Variants in NOS1 observed in about 807,000 individuals in gnomAD.
NOS1 encodes the protein nitric oxide synthase 1.
Under a neutral mutation model 164.5 loss-of-function variants are expected in NOS1, and 51 were observed. The ratio of observed to expected loss-of-function variants is 0.31; its 90% confidence interval spans 0.25 to 0.39. The LOEUF is 0.39. Among genes scored for constraint, NOS1 ranks in the 10% least tolerant of loss-of-function variants. The pLI, the probability that NOS1 is intolerant of heterozygous loss-of-function variation, is 1.00. For synonymous variants in NOS1, 719 were observed against 745.8 expected, an observed-to-expected ratio of 0.96 and a Z score of 0.59; for missense variants, 1,362 against 1,885.6, an observed-to-expected ratio of 0.72 and a Z score of 5.14.
rs1956540452 is a variant in NOS1, at chr12:117,212,236, C to T, written c.*3073G>A. ...GTACTGTAACTGGGCATTTCGTGGG[C>T]ATTGTCTCATTCAATCCACCTTGTT... On this transcript the variant is annotated 3_prime_UTR_variant, in exon 29 of 29. Transcript: ENST00000317775. 2.0e-6 allele frequency: 2 copies of T among 985,210 alleles called. No homozygotes were observed. The highest frequency in any genetic ancestry group is 3.5e-5 in the African/African-American group (2 of 57,206). The allele number at this position is 985,210 out of a possible 1,614,324, so 61.0% of individuals were successfully genotyped here.
intron 23 of NOS1, 74 bp downstream of exon 23, chr12:117,227,357 T>C (rs1868789317): frequency 7.3e-7 from 1 of 1,378,498 alleles, no homozygotes; most frequent in South Asian, 1.2e-5. Context: ...CTGCAGACGG[T>C]GGTTTAGGGA....
At position 117,253,716 on chromosome 12, in the gene NOS1, G is replaced by A. The variant is rs763630164; in HGVS notation, c.2570C>T (p.Ser857Phe). The change falls in exon 17 of 29, where the codon TCT (serine) becomes TTT (phenylalanine). Residue 857 changes from serine to phenylalanine, a missense_variant. Ser to Phe is a radical substitution (Grantham distance 155). This residue lies in a region of NOS1 where 737 missense variants were observed against 1,030.3 expected (regional missense o/e 0.72). Transcript: ENST00000317775. ...ATCGCCTGATGATTTTTGGGAGTCAGAGTAGGAGGAGACGCTGTTGAATCG... is the reference window on the plus strand; with the variant it reads ...ATCGCCTGATGATTTTTGGGAGTCAAAGTAGGAGGAGACGCTGTTGAATCG... Reference protein sequence around the residue: ...KVRFNSVSSYSDSQKSSGDGP... With the variant: ...KVRFNSVSSYFDSQKSSGDGP... 2.5e-6 allele frequency: 4 copies of A among 1,614,074 alleles called. No individual in the cohort carries two copies. In the South Asian group the frequency reaches 3.3e-5, roughly 13 times the overall value.
At chr12:117,324,078 C>T (rs113066277) in intron 2 of NOS1, among the ~76,000 whole-genome samples, 14 of 152,132 alleles carry the variant, frequency 9.2e-5, no homozygotes, top group African/African-American at 3.4e-4. Flanking sequence ...CCTGGCCTGT[C>T]TCTTTAGTTC....
chr12:117,259,787 T>C (rs1484263697), intron 14 of NOS1, among the ~76,000 whole-genome samples: 2 of 152,184 alleles, frequency 1.3e-5, no homozygotes, highest in Non-Finnish European at 2.9e-5. Context: ...CACATGCTTA[T>C]AGATTACAGG....
At chr12:117,241,734 C>T (rs1394694617) in intron 20 of NOS1, among the ~76,000 whole-genome samples, 2 of 152,172 alleles carry the variant, frequency 1.3e-5, no homozygotes, top group Admixed American at 6.5e-5. Context: ...CAGCAGCGAC[C>T]GCTTTTAATG....
intron 1 of NOS1, among the ~76,000 whole-genome samples, chr12:117,358,881 TG>T (rs370854326): frequency 3.3e-5 from 5 of 152,364 alleles, no homozygotes; most frequent in African/African-American, 1.2e-4. Flanking sequence ...TACAGCTGTG[TG>T]TGCTAAGGTT....
intron 17 of NOS1, among the ~76,000 whole-genome samples, chr12:117,250,469 C>T (rs1222734292): frequency 1.8e-4 from 27 of 151,850 alleles, no homozygotes; most frequent in Non-Finnish European, 1.5e-5. Context: ...GCTGGGATTA[C>T]AGGCCCCCAT....
At chr12:117,267,254 G>A (rs1394478383) in intron 11 of NOS1, among the ~76,000 whole-genome samples, 3 of 152,184 alleles carry the variant, frequency 2.0e-5, no homozygotes, top group African/African-American at 7.2e-5. Flanking sequence ...GATGCCCATT[G>A]TCCTGGCATA....
rs746833364 is a variant in NOS1 at position 117,215,063 on chromosome 12, T to G, written c.*246A>C. The G allele has an allele frequency of 1.6e-5, 19 of 1,208,362 alleles. No homozygotes were observed. Among genetic ancestry groups the G allele is most frequent in the Non-Finnish European group, 1.7e-5 (17 of 971,594 alleles). 74.9% of individuals were successfully genotyped at this position (1,208,362 alleles called of 1,614,324 possible). A position where few individuals can be genotyped will look rare whatever the true frequency, so the allele number is the denominator to read the frequency against. ...TTGCCCTTGTCGGCAAGAGAGGGAGTGGGAACAGAGTTTTGTAAGAGCCAC... is the reference window on the plus strand; with the variant it reads ...TTGCCCTTGTCGGCAAGAGAGGGAGGGGGAACAGAGTTTTGTAAGAGCCAC... On this transcript the variant is annotated 3_prime_UTR_variant, in exon 29 of 29. Coordinates refer to ENST00000317775, the MANE Select transcript of NOS1 (RefSeq NM_000620.5).
At chr12:117,349,408 C>T (rs1489524826) in intron 1 of NOS1, among the ~76,000 whole-genome samples, 3 of 152,202 alleles carry the variant, frequency 2.0e-5, no homozygotes, top group African/African-American at 4.8e-5. Context: ...CTTTGGCTAT[C>T]GTGAATAGTG....
At chr12:117,280,926 C>T in intron 7 of NOS1, 60 bp from the exon 8 acceptor site, 8 of 1,571,732 alleles carry the variant, frequency 5.1e-6, no homozygotes, top group Non-Finnish European at 6.9e-6. Context: ...TGGGAACATA[C>T]TAAACATGGC....
rs1566018948 is a variant in NOS1, at chr12:117,211,414, G to A, written c.*3895C>T. ...AATAACCCCCCCAACAGCTCAACGG[G>A]CCATGCTCTGTACTGTGGCCAGAAC... On this transcript the variant is annotated 3_prime_UTR_variant, in exon 29 of 29. Coordinates refer to ENST00000317775, the MANE Select transcript of NOS1 (RefSeq NM_000620.5). 2 of 985,338 alleles carry A rather than the reference G, an allele frequency of 2.0e-6. No homozygotes were observed. The highest frequency in any genetic ancestry group is 1.2e-6 in the Non-Finnish European group (1 of 830,014). 61.0% of individuals were successfully genotyped at this position (985,338 alleles called of 1,614,324 possible).
chr12:117,234,494 G>A lies in NOS1; in HGVS notation c.3235+71C>T, dbSNP rs56332564. ...CTGGACTGGTGATTGGGAAGAAAAG[G>A]TATCTTCTTCCCGAGACACCCACTG... On this transcript the variant is annotated intron_variant, in intron 21 of 28. Transcript: ENST00000317775. This position sits in a 1 kb window ranked among gnomAD's most constrained non-coding sequence, Gnocchi z 4.3. 1 of 1,478,616 alleles carries A rather than the reference G, an allele frequency of 6.8e-7. No individual in the cohort carries two copies. Among genetic ancestry groups the A allele is most frequent in the Non-Finnish European group, 9.3e-7 (1 of 1,079,930 alleles). 91.6% of individuals were successfully genotyped at this position (1,478,616 alleles called of 1,614,324 possible).
At chr12:117,297,487 G>C (rs1456367188) in intron 3 of NOS1, among the ~76,000 whole-genome samples, 1 of 152,156 alleles carries the variant, frequency 6.6e-6, no homozygotes, top group African/African-American at 2.4e-5. Context: ...TGCCTCATGG[G>C]TTCAAATGAT....
chr12:117,264,248 C>T (rs777075374), intron 12 of NOS1, among the ~76,000 whole-genome samples: 3 of 151,984 alleles, frequency 2.0e-5, no homozygotes, highest in African/African-American at 4.8e-5. Context: ...CTTGTGACCC[C>T]TGACTACTCA....
At chr12:117,298,132 A>G (rs1258019860) in intron 3 of NOS1, among the ~76,000 whole-genome samples, 1 of 151,954 alleles carries the variant, frequency 6.6e-6, no homozygotes, top group East Asian at 1.9e-4. Context: ...CAGAATGTAC[A>G]ATCAGTGGGA....
At chr12:117,361,335 T>G (rs780467631) in intron 1 of NOS1, among the ~76,000 whole-genome samples, 177 bp downstream of exon 1, 1 of 143,308 alleles carries the variant, frequency 7.0e-6, no homozygotes, top group African/African-American at 2.6e-5. Context: ...CCCCTTCCCC[T>G]CCGCTTTGTG....
Position 117,258,385 on chromosome 12 carries a change from T to C in NOS1, c.2531+12A>G. Reference sequence around the variant, plus strand: ...GGGGTGGCGGGTGACGTCGGAGGGGTCATTCACTTACTTCCTTTCTTCCTG... The same window carrying C: ...GGGGTGGCGGGTGACGTCGGAGGGGCCATTCACTTACTTCCTTTCTTCCTG... On this transcript the variant is annotated intron_variant, in intron 16 of 28. Transcript: ENST00000317775. 6.2e-7 allele frequency: 1 copy of C among 1,613,372 alleles called. No homozygotes were observed. The highest frequency in any genetic ancestry group is 1.3e-5 in the African/African-American group (1 of 74,900).
chr12:117,290,171 T>C (rs1872953621), intron 4 of NOS1, 127 bp downstream of exon 4: 1 of 1,096,626 alleles, frequency 9.1e-7, no homozygotes, highest in African/African-American at 1.6e-5. Context: ...CTAGGGGGTA[T>C]GGGTCAGGGG....
Sources: gnomAD v4.1 joint callset for allele counts (sites outside exome capture counted in the v4.1 genomes callset) on GRCh38, gnomAD v4.1.1 for gene constraint, gnomAD v4.1.1 regional missense constraint, Gnocchi (gnomAD v3.1) non-coding constraint, MANE v1.5 for transcripts, NCBI Gene and HGNC (gene_info 2026-07-23, HGNC 2026-07-21) for gene names.